MALRD1: variants seen among roughly 807,000 people sequenced by gnomAD.
MALRD1 encodes the protein MAM and LDL-receptor class A domain-containing protein 1.
A neutral mutation model predicts 242.1 loss-of-function variants in MALRD1; 247 were observed. The ratio of observed to expected loss-of-function variants is 1.02; its 90% CI spans 0.92 to 1.13. MALRD1 has a LOEUF of 1.13. Ranked by LOEUF, MALRD1 falls within the 50% of genes most tolerant of loss-of-function variation. The pLI, the probability that MALRD1 is intolerant of heterozygous loss-of-function variation, is 0.00. For missense variants in MALRD1, 2,989 were observed against 2,533.1 expected, an observed-to-expected ratio of 1.18 and a Z score of -3.86; for synonymous variants, 995 against 866.6, an observed-to-expected ratio of 1.15 and a Z score of -2.60.
At chr10:19,404,981 G>A (rs1390346784) in intron 28 of MALRD1, among the ~76,000 whole-genome samples, 1 of 152,120 alleles carries the variant, frequency 6.6e-6, no homozygotes, top group African/African-American at 2.4e-5. Context: ...GAAAATGCAT[G>A]TCCTTTGTAT....
intron 31 of MALRD1, among the ~76,000 whole-genome samples, chr10:19,525,085 TTG>T (rs1224486204): frequency 6.6e-6 from 1 of 151,466 alleles, no homozygotes; most frequent in East Asian, 1.9e-4. Flanking sequence ...TTTTTTTTTT[TTG>T]TATTTTCAGT....
intron 32 of MALRD1, among the ~76,000 whole-genome samples, chr10:19,551,305 G>T (rs1490230032): frequency 2.0e-5 from 3 of 151,936 alleles, no homozygotes; most frequent in African/African-American, 7.3e-5. Context: ...AATTTTCATT[G>T]TAGAGATCTT....
chr10:19,310,939 A>G (rs915506276), intron 21 of MALRD1, among the ~76,000 whole-genome samples: 1 of 151,478 alleles, frequency 6.6e-6, no homozygotes, highest in African/African-American at 2.4e-5. Flanking sequence ...GGGAAACGAC[A>G]CTGACTAATT....
At chr10:19,717,964 C>A (rs1168202682) in intron 38 of MALRD1, among the ~76,000 whole-genome samples, 1 of 150,712 alleles carries the variant, frequency 6.6e-6, no homozygotes, top group South Asian at 2.1e-4. Flanking sequence ...CTGCAGTGAG[C>A]CAATATTGCG....
chr10:19,624,591 C>T (rs1385596390), intron 36 of MALRD1, among the ~76,000 whole-genome samples: 2 of 152,042 alleles, frequency 1.3e-5, no homozygotes, highest in African/African-American at 4.8e-5. Context: ...TTAGGCCAGG[C>T]ATGGTGGCTC....
chr10:19,068,938 T>C (rs1835059897), intron 2 of MALRD1, among the ~76,000 whole-genome samples: 1 of 152,086 alleles, frequency 6.6e-6, no homozygotes, highest in South Asian at 2.1e-4. Context: ...GAAAGAAGGA[T>C]TAAAATGTAG....
chr10:19,088,501 C>G (rs1035683292), intron 4 of MALRD1, among the ~76,000 whole-genome samples: 1 of 145,662 alleles, frequency 6.9e-6, no homozygotes, highest in African/African-American at 2.5e-5. Context: ...ATTTTCCTCT[C>G]TACTTTTCTT....
intron 38 of MALRD1, 192 bp from the exon 39 acceptor site, chr10:19,730,514 A>T: frequency 1.5e-6 from 1 of 651,452 alleles, no homozygotes; most frequent in South Asian, 1.6e-5. Context: ...GCTTTCCTGA[A>T]TGTGGTTGCC....
At chr10:19,557,918 A>G (rs1443684138) in intron 32 of MALRD1, among the ~76,000 whole-genome samples, 1 of 152,124 alleles carries the variant, frequency 6.6e-6, no homozygotes, top group Non-Finnish European at 1.5e-5. Context: ...CTATTTATCT[A>G]TATTTGAGAT....
intron 28 of MALRD1, among the ~76,000 whole-genome samples, chr10:19,411,574 C>T (rs928829096): frequency 5.3e-5 from 8 of 152,114 alleles, no homozygotes; most frequent in Non-Finnish European, 1.2e-4. Flanking sequence ...TTACAGAGAA[C>T]TCATTAACTT....
At chr10:19,236,730 T>G (rs1245272865) in intron 18 of MALRD1, among the ~76,000 whole-genome samples, 1 of 152,158 alleles carries the variant, frequency 6.6e-6, no homozygotes. Flanking sequence ...TCCAAATACT[T>G]TAAAATTTTA....
chr10:19,154,689 C>G (rs1834071765), intron 11 of MALRD1, among the ~76,000 whole-genome samples: 1 of 152,306 alleles, frequency 6.6e-6, no homozygotes, highest in South Asian at 2.1e-4. Context: ...TCCATAAGCT[C>G]ATATCCTTCG....
rs909487977 is a variant in MALRD1, at chr10:19,203,857, A to T, written c.2081A>T (p.Asp694Val). ...TTTGAGCACCAGGCTCCACCTCGGG[A>T]TCATAGTCTCAACGCATCTCAAGGT... The part of the protein sequence containing the change: ...ADFEHQAPPR[D>V]HSLNASQGHF... The change falls in exon 15 of 40, where the codon GAT (aspartate) becomes GTT (valine). Residue 694 changes from aspartate to valine, a missense_variant. Transcript: ENST00000454679. 1.9e-6 allele frequency: 3 copies of T among 1,550,376 alleles called. No homozygotes were observed. Among genetic ancestry groups the T allele is most frequent in the Non-Finnish European group, 2.6e-6 (3 of 1,146,930 alleles).
At chr10:19,722,718 G>A (rs1401098438) in intron 38 of MALRD1, 1 of 151,602 alleles carries the variant, frequency 6.6e-6, no homozygotes, top group Non-Finnish European at 1.5e-5. Context: ...TTGGGGGTCA[G>A]GAGAAAGAAG....
intron 29 of MALRD1, 113 bp downstream of exon 29, chr10:19,450,603 A>G (rs1835270086): frequency 1.1e-6 from 1 of 875,092 alleles, no homozygotes; most frequent in Non-Finnish European, 1.7e-6. Context: ...CACATACACA[A>G]ATCAATGGAA....
intron 4 of MALRD1, among the ~76,000 whole-genome samples, chr10:19,100,301 G>A (rs1263969733): frequency 6.6e-6 from 1 of 152,012 alleles, no homozygotes; most frequent in Non-Finnish European, 1.5e-5. Context: ...GGACTCAAAT[G>A]GCAGCGAATT....
At chr10:19,047,749 A>G (rs746095520), upstream of MALRD1, among the ~76,000 whole-genome samples, 12 of 152,078 alleles carry the variant, frequency 7.9e-5, no homozygotes, top group Non-Finnish European at 1.2e-4. Flanking sequence ...AGAATCCAGA[A>G]TGTCTACACA....
intron 19 of MALRD1, among the ~76,000 whole-genome samples, chr10:19,265,043 T>C (rs1424524178): frequency 6.6e-6 from 1 of 152,188 alleles, no homozygotes; most frequent in African/African-American, 2.4e-5. Context: ...AGTATAATTG[T>C]TCATAGCAGT....
At chr10:19,051,203 C>T (rs931546687) in intron 1 of MALRD1, among the ~76,000 whole-genome samples, 1 of 152,014 alleles carries the variant, frequency 6.6e-6, no homozygotes, top group Non-Finnish European at 1.5e-5. Flanking sequence ...AATGGCCAAG[C>T]AGTTTCACTC....
Sources: allele counts gnomAD v4.1 joint callset (sites outside exome capture counted in the v4.1 genomes callset), GRCh38; gene constraint gnomAD v4.1.1; transcripts MANE v1.5; gene names NCBI Gene and HGNC (gene_info 2026-07-23, HGNC 2026-07-21).